The following TRIM9 variants were observed in gnomAD, a reference collection of about 807,000 sequenced individuals.
TRIM9 encodes E3 ubiquitin-protein ligase TRIM9.
Under a neutral mutation model 78.3 loss-of-function variants are expected in TRIM9, and 26 were observed. The ratio of observed to expected loss-of-function variants is 0.33; its 90% CI spans 0.24 to 0.46. The LOEUF (loss-of-function observed/expected upper bound fraction) is 0.46, where lower values mean the gene tolerates loss of function less well. Among genes scored for constraint, TRIM9 ranks in the 20% least tolerant of loss-of-function variants. The pLI, the probability that TRIM9 is intolerant of heterozygous loss-of-function variation, is 1.00. For missense variants in TRIM9, 787 were observed against 1,036.4 expected (o/e 0.76, Z 3.30); for synonymous variants, 398 against 416.5 (o/e 0.96, Z 0.54).
intron 1 of TRIM9, among the ~76,000 whole-genome samples, chr14:51,067,448 C>A (rs2061845295): frequency 6.6e-6 from 1 of 152,148 alleles, no homozygotes; most frequent in African/African-American, 2.4e-5. Context: ...ACATCATTCT[C>A]CTGCTTAAGA....
intron 1 of TRIM9, among the ~76,000 whole-genome samples, chr14:51,069,654 A>G (rs2062042685): frequency 6.6e-6 from 1 of 152,186 alleles, no homozygotes; most frequent in Middle Eastern, 3.2e-3. Context: ...AAATCAGGAG[A>G]GGTCATATCA....
chr14:51,064,208 T>C (rs1050732747), intron 1 of TRIM9, among the ~76,000 whole-genome samples: 2 of 152,082 alleles, frequency 1.3e-5, no homozygotes, highest in Non-Finnish European at 2.9e-5. Context: ...ATTAAGAACA[T>C]ATAATCTCTA....
At chr14:51,063,916 G>A (rs185033868) in intron 1 of TRIM9, among the ~76,000 whole-genome samples, 53 of 152,136 alleles carry the variant, frequency 3.5e-4, no homozygotes, top group Non-Finnish European at 4.0e-4. Context: ...CATCTGAAAT[G>A]GGCATAAATA....
At chr14:50,992,659 G>T (rs1443638719) in intron 7 of TRIM9, among the ~76,000 whole-genome samples, 1 of 152,116 alleles carries the variant, frequency 6.6e-6, no homozygotes, top group African/African-American at 2.4e-5. Flanking sequence ...AGGCCAATTT[G>T]CATTCAGACA....
intron 1 of TRIM9, among the ~76,000 whole-genome samples, chr14:51,030,130 GC>G (rs1449586771): frequency 6.6e-6 from 1 of 152,218 alleles, no homozygotes; most frequent in East Asian, 1.9e-4. Context: ...GAGGGAAGAA[GC>G]TTTGGATTCA....
At chr14:50,980,491 C>A (rs1418417811) in intron 11 of TRIM9, among the ~76,000 whole-genome samples, 1 of 152,202 alleles carries the variant, frequency 6.6e-6, no homozygotes, top group Non-Finnish European at 1.5e-5. Flanking sequence ...GACAGGTTTA[C>A]AAATTGCCTC....
intron 1 of TRIM9, among the ~76,000 whole-genome samples, chr14:51,072,781 C>T (rs1474537045): frequency 6.6e-6 from 1 of 151,978 alleles, no homozygotes; most frequent in Non-Finnish European, 1.5e-5. Context: ...CCCTAAATTG[C>T]TTTATAATAT....
chr14:50,982,177 G>T, intron 10 of TRIM9, 74 bp from the exon 11 acceptor site: 1 of 1,545,250 alleles, frequency 6.5e-7, no homozygotes, highest in East Asian at 2.3e-5. Flanking sequence ...ACTCCTGGGC[G>T]GGTGAGGAGC....
chr14:51,029,587 G>A (rs1186933419), intron 1 of TRIM9, among the ~76,000 whole-genome samples: 1 of 151,876 alleles, frequency 6.6e-6, no homozygotes, highest in East Asian at 1.9e-4. Context: ...CCCATTGCCG[G>A]TTACTCAGTA....
At chr14:51,061,802 A>C (rs2061374586) in intron 1 of TRIM9, among the ~76,000 whole-genome samples, 2 of 152,286 alleles carry the variant, frequency 1.3e-5, no homozygotes, top group African/African-American at 4.8e-5. Context: ...GGGTTCTGTA[A>C]GCTTTTTGGA....
At position 51,095,057 on chromosome 14, in the gene TRIM9, C is replaced by G; in HGVS notation, c.-118G>C. ...AGCGGCGGCGGCTGTGGTGGTGGTG[C>G]CTTCCCGCGCAGCACTGGCACGGAC... On this transcript the variant is annotated 5_prime_UTR_variant, in exon 1 of 13. Transcript: ENST00000684578. 1.5e-6 allele frequency: 1 copy of G among 683,672 alleles called. No homozygotes were observed. The highest frequency in any genetic ancestry group is 1.8e-5 in the African/African-American group (1 of 54,750). 42.4% of individuals were successfully genotyped at this position (683,672 alleles called of 1,614,324 possible).
chr14:51,082,886 T>C (rs998171298), intron 1 of TRIM9, among the ~76,000 whole-genome samples: 1 of 152,156 alleles, frequency 6.6e-6, no homozygotes, highest in African/African-American at 2.4e-5. Flanking sequence ...ATGGCAGGTA[T>C]AGTGGTTAAG....
At position 50,983,305 on chromosome 14, in the gene TRIM9, C is replaced by T. The variant is rs1596092165; in HGVS notation, c.1834+75G>A. 5.7e-6 allele frequency: 7 copies of T among 1,234,288 alleles called. No homozygotes were observed. In the East Asian group the frequency reaches 1.6e-4, roughly 27 times the overall value. The allele number at this position is 1,234,288 out of a possible 1,614,324, so 76.5% of individuals were successfully genotyped here. On this transcript the variant is annotated intron_variant, in intron 9 of 12. Transcript: ENST00000684578. ...AATTTTATTGACATAAGACAAGTTG[C>T]CGCCATTTATTTTGTGAAGGAAATT...
At chr14:51,072,427 G>C (rs774013214) in intron 1 of TRIM9, among the ~76,000 whole-genome samples, 22 of 151,958 alleles carry the variant, frequency 1.4e-4, no homozygotes, top group Non-Finnish European at 3.1e-4. Flanking sequence ...ACTGCATCCA[G>C]GTATCTAAAT....
intron 3 of TRIM9, among the ~76,000 whole-genome samples, chr14:51,018,702 C>T (rs1469030777): frequency 6.6e-6 from 1 of 152,148 alleles, no homozygotes; most frequent in Non-Finnish European, 1.5e-5. Context: ...GACTGCGCAA[C>T]ATGGTAAGCT....
chr14:50,998,226 C>T, intron 6 of TRIM9, 38 bp from the exon 7 acceptor site: 3 of 1,602,820 alleles, frequency 1.9e-6, no homozygotes, highest in Non-Finnish European at 1.7e-6. Context: ...ACTTAGCCTG[C>T]CCCCTTCTGA....
chr14:51,074,029 G>A (rs945988076), intron 1 of TRIM9, among the ~76,000 whole-genome samples: 13 of 152,092 alleles, frequency 8.5e-5, no homozygotes, highest in Admixed American at 5.2e-4. Flanking sequence ...AGCTTTCCAC[G>A]TTTGCCAGCA....
intron 7 of TRIM9, chr14:50,996,239 T>A: frequency 1.0e-6 from 1 of 985,374 alleles, no homozygotes; most frequent in African/African-American, 1.7e-5. Context: ...TACAGTACAG[T>A]TTCTTTGTTG....
At chr14:51,061,862 A>G (rs931239173) in intron 1 of TRIM9, among the ~76,000 whole-genome samples, 1 of 152,162 alleles carries the variant, frequency 6.6e-6, no homozygotes, top group African/African-American at 2.4e-5. Flanking sequence ...AAGCCATCAT[A>G]TCTTCAAATA....
Sources: gnomAD v4.1 joint callset for allele counts (sites outside exome capture counted in the v4.1 genomes callset) on GRCh38, gnomAD v4.1.1 for gene constraint, MANE v1.5 for transcripts, NCBI Gene and HGNC (gene_info 2026-07-23, HGNC 2026-07-21) for gene names.